The following PGBD5 variants were observed in gnomAD, a reference collection of about 807,000 sequenced individuals.
The protein encoded by PGBD5 is piggyBac transposable element derived 5.
In PGBD5, 14 loss-of-function variants were observed where a neutral mutation model predicts 47.9. The ratio of observed to expected loss-of-function variants is 0.29; its 90% CI spans 0.19 to 0.46. The LOEUF (loss-of-function observed/expected upper bound fraction) is 0.46. PGBD5 is among the 20% of genes least tolerant of loss of function. The pLI is 1.00. For missense variants in PGBD5, 635 were observed against 716.0 expected (o/e 0.89, Z 1.29); for synonymous variants, 316 against 306.3 (o/e 1.03, Z -0.33).
intron 1 of PGBD5, among the ~76,000 whole-genome samples, chr1:230,399,818 T>G (rs1371368826): frequency 2.0e-5 from 3 of 152,162 alleles, no homozygotes; most frequent in Non-Finnish European, 4.4e-5. Context: ...GTTCCCACGG[T>G]GGAAACACGC....
intron 3 of PGBD5, among the ~76,000 whole-genome samples, chr1:230,343,183 T>G (rs1667432639): frequency 6.6e-6 from 1 of 152,244 alleles, no homozygotes; most frequent in Non-Finnish European, 1.5e-5. Flanking sequence ...TTCTCCTCTC[T>G]GGCTGCACCT....
Position 230,355,031 on chromosome 1 carries a change from G to T in PGBD5, c.759+1863C>A, listed in dbSNP as rs138754034. Among the ~76,000 whole-genome samples, 4 of 152,228 alleles carry T rather than the reference G, an allele frequency of 2.6e-5. No homozygotes were observed. The East Asian group carries it at 7.7e-4, about 29-fold the overall frequency. Reference sequence around the variant, plus strand: ...TTCCCCAGATTGAGCCTCATCTCAGGCCCTGCTTCTGCAAGCCTCATCACC... The same window carrying T: ...TTCCCCAGATTGAGCCTCATCTCAGTCCCTGCTTCTGCAAGCCTCATCACC... On this transcript the variant is annotated intron_variant, in intron 2 of 6. Coordinates refer to ENST00000391860, the MANE Select transcript of PGBD5 (RefSeq NM_001258311.2).
At chr1:230,411,720 A>AT (rs1408880343) in intron 1 of PGBD5, among the ~76,000 whole-genome samples, 1 of 152,226 alleles carries the variant, frequency 6.6e-6, no homozygotes, top group East Asian at 1.9e-4. Flanking sequence ...AGCAAATAAC[A>AT]TAATTCAGCT....
intron 3 of PGBD5, among the ~76,000 whole-genome samples, chr1:230,343,984 G>A (rs961836811): frequency 5.3e-5 from 8 of 152,156 alleles, no homozygotes; most frequent in Admixed American, 2.6e-4. Context: ...ATAGCCTAGT[G>A]GTTAAGAAGG....
chr1:230,390,934 T>C (rs1040831621), intron 1 of PGBD5, among the ~76,000 whole-genome samples: 17 of 152,072 alleles, frequency 1.1e-4, no homozygotes, highest in African/African-American at 4.1e-4. Context: ...GAGACAGGGT[T>C]TCATCATGTT....
intron 3 of PGBD5, among the ~76,000 whole-genome samples, chr1:230,342,731 C>T (rs1038651546): frequency 6.6e-6 from 1 of 152,144 alleles, no homozygotes; most frequent in Non-Finnish European, 1.5e-5. Flanking sequence ...GATAACGTTG[C>T]CATATGCACC....
chr1:230,396,286 CCCTTT>C (rs1656968477), intron 1 of PGBD5, among the ~76,000 whole-genome samples: 1 of 109,926 alleles, frequency 9.1e-6, no homozygotes, highest in South Asian at 4.2e-4. Flanking sequence ...CCACACTCTT[CCCTTT>C]TACCCCCACA....
At chr1:230,335,888 TGCATACACGGACATACAGAC>T (rs1667316775) in intron 4 of PGBD5, among the ~76,000 whole-genome samples, 6 of 33,096 alleles carry the variant, frequency 1.8e-4, no homozygotes, top group Non-Finnish European at 4.8e-4. Flanking sequence ...GACACACAGA[TGCATACACGGACATACAGAC>T]ACAAAGACAC....
chr1:230,330,128 C>T (rs537806209), intron 5 of PGBD5, among the ~76,000 whole-genome samples: 2 of 152,234 alleles, frequency 1.3e-5, no homozygotes, highest in East Asian at 1.9e-4. Context: ...AAAAATCACT[C>T]GAAATTAGCC....
In PGBD5 at chr1:230,319,568, G is replaced by A. The variant is rs1336651877; in HGVS notation, c.*3857C>T. ...CCCCCCTCACTGTTGGGGGGGCTGAGCCTGGGTCCCTGGGGAGGATGGTGA... is the reference window on the plus strand; with the variant it reads ...CCCCCCTCACTGTTGGGGGGGCTGAACCTGGGTCCCTGGGGAGGATGGTGA... On this transcript the variant is annotated 3_prime_UTR_variant, in exon 7 of 7. Coordinates refer to ENST00000391860, the MANE Select transcript of PGBD5 (RefSeq NM_001258311.2). 6.6e-6 allele frequency: 1 copy of A among 152,178 alleles called. No individual in the cohort carries two copies. The highest frequency in any genetic ancestry group is 1.5e-5 in the Non-Finnish European group (1 of 68,076). The allele number at this position is 152,178 out of a possible 1,614,324, so 9.4% of individuals were successfully genotyped here. A position where few individuals can be genotyped will look rare whatever the true frequency, so the allele number is the denominator to read the frequency against.
At chr1:230,393,696 G>C (rs1012214866) in intron 1 of PGBD5, among the ~76,000 whole-genome samples, 1 of 151,978 alleles carries the variant, frequency 6.6e-6, no homozygotes, top group Non-Finnish European at 1.5e-5. Flanking sequence ...GCAGTGGCGG[G>C]CGCCTGTAGT....
intron 1 of PGBD5, among the ~76,000 whole-genome samples, chr1:230,416,848 T>C (rs1657524905): frequency 6.6e-6 from 1 of 152,174 alleles, no homozygotes. Flanking sequence ...AACATCACTT[T>C]TCCAGCACAG....
chr1:230,420,595 G>A (rs1179982465), intron 1 of PGBD5, among the ~76,000 whole-genome samples: 1 of 152,130 alleles, frequency 6.6e-6, no homozygotes, highest in Non-Finnish European at 1.5e-5. Flanking sequence ...GGCTTTATAA[G>A]CATCTGGCAT....
chr1:230,406,425 G>A (rs1657298915), intron 1 of PGBD5, among the ~76,000 whole-genome samples: 1 of 151,612 alleles, frequency 6.6e-6, no homozygotes, highest in African/African-American at 2.4e-5. Context: ...AATTTTATAG[G>A]CAAAAAAATA....
chr1:230,324,238 G>C (rs1667081346), intron 6 of PGBD5, among the ~76,000 whole-genome samples: 2 of 152,228 alleles, frequency 1.3e-5, no homozygotes, highest in South Asian at 4.1e-4. Context: ...AAGTATGGGA[G>C]GATCGGTATC....
chr1:230,332,923 C>T lies in PGBD5; in HGVS notation c.1194G>A (p.Lys398=). 1 of 1,614,206 alleles carries T rather than the reference C, an allele frequency of 6.2e-7. No homozygotes were observed. The change falls in exon 5 of 7, where the codon AAG becomes AAA. Residue 398 remains lysine (K), a synonymous_variant. Coordinates refer to ENST00000391860, the MANE Select transcript of PGBD5 (RefSeq NM_001258311.2). ...ACCAGCAGATCAAGGACATGTTCCC[C>T]TTCATCTTGATTTGGTACTGGCCCC... The part of the protein sequence containing the change: ...PARGQYQIKM[K]GNMSLICWYN...
At chr1:230,342,143 A>G (rs545885763) in intron 3 of PGBD5, among the ~76,000 whole-genome samples, 125 of 152,200 alleles carry the variant, frequency 8.2e-4, no homozygotes, top group African/African-American at 2.8e-3. Flanking sequence ...TTTTCCCTCA[A>G]CTTCTCAAAA....
chr1:230,417,873 C>T (rs1490424784), intron 1 of PGBD5, among the ~76,000 whole-genome samples: 1 of 152,230 alleles, frequency 6.6e-6, no homozygotes, highest in Non-Finnish European at 1.5e-5. Context: ...ATAGGAGGCA[C>T]ATCTCATCCA....
chr1:230,392,918 C>A (rs772442117), intron 1 of PGBD5, among the ~76,000 whole-genome samples: 24 of 151,464 alleles, frequency 1.6e-4, no homozygotes, highest in Non-Finnish European at 2.8e-4. Flanking sequence ...AGCTCTCCAA[C>A]CCCAGCTGCA....
Sources: gnomAD v4.1 joint callset for allele counts (sites outside exome capture counted in the v4.1 genomes callset) on GRCh38, gnomAD v4.1.1 for gene constraint, MANE v1.5 for transcripts, NCBI Gene and HGNC (gene_info 2026-07-23, HGNC 2026-07-21) for gene names.